ASPM: variants seen among roughly 807,000 people sequenced by gnomAD.
ASPM encodes assembly factor for spindle microtubules.
A neutral mutation model predicts 366.4 loss-of-function variants in ASPM; 256 were observed. The observed-to-expected ratio is 0.70, with a 90% CI of 0.63 to 0.77. The LOEUF (loss-of-function observed/expected upper bound fraction) is 0.77. ASPM is among the 30% of genes least tolerant of loss of function. The pLI is 0.00. For synonymous variants in ASPM, 1,414 were observed against 1,342.9 expected (o/e 1.05, Z -1.16); for missense variants, 4,146 against 4,090.4 (o/e 1.01, Z -0.37).
rs1484742454 is a variant in ASPM at position 197,103,119 on chromosome 1, G to T, written c.6132C>A (p.Asn2044Lys). The T allele has an allele frequency of 3.1e-6, 5 of 1,612,518 alleles. No individual in the cohort carries two copies. The highest frequency in any genetic ancestry group is 2.7e-5 in the African/African-American group (2 of 74,756). The change falls in exon 18 of 28, where the codon AAC (asparagine) becomes AAA (lysine). Residue 2044 changes from asparagine to lysine, a missense_variant. Transcript: ENST00000367409. The stretch of plus-strand genomic sequence containing the variant: ...TAGACTGTATAGTGACTGCTGCTTT[G>T]TTGCAATCCTTTATTCTTTTTCTCA... ...MKVRKRIKDCNKAAVTIQSKY... is the reference protein window; with the variant it reads ...MKVRKRIKDCKKAAVTIQSKY...
rs373180437 is a variant in ASPM at position 197,122,506 on chromosome 1, A to T, written c.3480T>A (p.Ala1160=). ...HYHPCYVPFD[A]ICQRTTQTVE... is the part of the protein sequence containing the mutation. ...CAGTTTGAGTAGTACGCTGACATAT[A>T]GCGTCAAATGGCACATAGCAAGGAT... The change falls in exon 14 of 28, where the codon GCT becomes GCA. Residue 1160 remains alanine, a synonymous_variant. Transcript: ENST00000367409. The T allele has an allele frequency of 5.3e-5, 85 of 1,613,546 alleles. No individual in the cohort carries two copies. Among genetic ancestry groups the T allele is most frequent in the Non-Finnish European group, 6.6e-5 (78 of 1,179,748 alleles).
At chr1:197,120,931 A>G (rs1657889379) in intron 16 of ASPM, among the ~76,000 whole-genome samples, 1 of 152,170 alleles carries the variant, frequency 6.6e-6, no homozygotes. Context: ...AATTATTTCA[A>G]TTAGTCTTAT....
At chr1:197,100,154 T>C (rs559602305) in intron 18 of ASPM, among the ~76,000 whole-genome samples, 1 of 151,840 alleles carries the variant, frequency 6.6e-6, no homozygotes, top group African/African-American at 2.4e-5. Context: ...AGGACTCCTA[T>C]TTTCTCAAAA....
chr1:197,140,675 T>C (rs1023167987), intron 3 of ASPM, among the ~76,000 whole-genome samples: 1 of 152,186 alleles, frequency 6.6e-6, no homozygotes, highest in South Asian at 2.1e-4. Context: ...TGAAGAATTT[T>C]AATCAAGGAA....
rs1658154936 is a variant in ASPM at position 197,128,446 on chromosome 1, T to G, written c.2936+44A>C. ...AAAAAAAGTGTTTTCCAGAAAATGT[T>G]AGTCTATTCCATTAAGCAAAATAAT... On this transcript the variant is annotated intron_variant, in intron 10 of 27. Coordinates refer to ENST00000367409, the MANE Select transcript of ASPM (RefSeq NM_018136.5). 12 of 1,549,128 alleles carry G rather than the reference T, an allele frequency of 7.7e-6. No homozygotes were observed. In the African/African-American group the frequency reaches 1.1e-4, roughly 14 times the overall value.
intron 4 of ASPM, chr1:197,139,403 C>T (rs532266842): frequency 2.1e-5 from 12 of 559,770 alleles, no homozygotes; most frequent in African/African-American, 1.3e-4. Flanking sequence ...CCGACCACCC[C>T]GGCCAACACG....
In ASPM at chr1:197,146,252, C is replaced by G. The variant is rs922100903; in HGVS notation, c.186G>C (p.Thr62=). The change falls in exon 1 of 28, where the codon ACG becomes ACC. Residue 62 remains threonine (T), a synonymous_variant. Transcript: ENST00000367409. ...TAGGGTTGTCTAGGGCCAGAGACAGCGTCCGTGAGGCTCCCAGGAGAACGT... is the reference window on the plus strand; with the variant it reads ...TAGGGTTGTCTAGGGCCAGAGACAGGGTCCGTGAGGCTCCCAGGAGAACGT... The part of the protein sequence containing the change: ...FGDVLLGASR[T]LSLALDNPNE... The G allele has an allele frequency of 3.1e-6, 5 of 1,614,040 alleles. No individual in the cohort carries two copies. Among genetic ancestry groups the G allele is most frequent in the Middle Eastern group, 1.6e-4 (1 of 6,084 alleles).
In ASPM at chr1:197,101,656, T is replaced by TG; in HGVS notation, c.7594dup (p.His2532ProfsTer11). On this transcript the variant is annotated frameshift_variant, in exon 18 of 28. Coordinates refer to ENST00000367409, the MANE Select transcript of ASPM (RefSeq NM_018136.5). LOFTEE classifies it high-confidence loss of function. ...TGCAGCCTGAATAACCACAGCAGAA[T>TG]GCCATTGTCTGATATAATTTTCTCT... 6.2e-7 allele frequency: 1 copy of TG among 1,612,066 alleles called. No individual in the cohort carries two copies.
Position 197,104,468 on chromosome 1 carries a change from T to G in ASPM, c.4783A>C (p.Lys1595Gln), listed in dbSNP as rs763387189. The change falls in exon 18 of 28, where the codon AAA (lysine) becomes CAA (glutamine). Residue 1595 changes from lysine (K) to glutamine (Q), a missense_variant. By Grantham distance (53) the Lys-to-Gln change is moderately conservative. This residue lies in a region of ASPM where 3,624 missense variants were observed against 3,591.7 expected (regional missense o/e 1.01). Transcript: ENST00000367409. ...TTATATTTCTGTCGTTGTTGATGTT[T>G]TCTTACATGTGCCTGAAATTTGATA... Reference protein sequence around the residue: ...TIIKFQAHVRKHQQRQKYKKM... With the variant: ...TIIKFQAHVRQHQQRQKYKKM... The G allele has an allele frequency of 1.2e-6, 2 of 1,612,880 alleles. No individual in the cohort carries two copies. Among genetic ancestry groups the G allele is most frequent in the Non-Finnish European group, 1.7e-6 (2 of 1,179,394 alleles).
In ASPM at chr1:197,146,472, C is replaced by A. The variant is rs576215916; in HGVS notation, c.-35G>T. 7.5e-6 allele frequency: 12 copies of A among 1,598,602 alleles called. No homozygotes were observed. The East Asian group carries it at 2.5e-4, about 33-fold the overall frequency. On this transcript the variant is annotated 5_prime_UTR_variant, in exon 1 of 28. Coordinates refer to ENST00000367409, the MANE Select transcript of ASPM (RefSeq NM_018136.5). Reference sequence around the variant, plus strand: ...GAGACCCCTCCTGGATCTCCTTGCCCCGCTCCCACGAGGCGGCTCCGGAGC... The same window carrying A: ...GAGACCCCTCCTGGATCTCCTTGCCACGCTCCCACGAGGCGGCTCCGGAGC...
In ASPM at chr1:197,094,131, C is replaced by T. The variant is rs1421618284; in HGVS notation, c.9037G>A (p.Ala3013Thr). 6.2e-7 allele frequency: 1 copy of T among 1,607,808 alleles called. No individual in the cohort carries two copies. Among genetic ancestry groups the T allele is most frequent in the Admixed American group, 1.7e-5 (1 of 59,520 alleles). The change falls in exon 20 of 28, where the codon GCT becomes ACT. Residue 3013 changes from alanine to threonine, a missense_variant. Transcript: ENST00000367409. ...SAIIIQRKWR[A>T]ILPAKIAHEH... ...TGAGCTATCTTTGCAGGAAGTATAG[C>T]TCTCCATTTTCTCTGAATGATAATT...
Position 197,090,962 on chromosome 1 carries a change from T to A in ASPM, c.9524A>T (p.Gln3175Leu). 6.2e-7 allele frequency: 1 copy of A among 1,613,064 alleles called. No individual in the cohort carries two copies. The highest frequency in any genetic ancestry group is 8.5e-7 in the Non-Finnish European group (1 of 1,179,310). The change falls in exon 23 of 28, where the codon CAA (glutamine) becomes CTA (leucine). Residue 3175 changes from glutamine to leucine, a missense_variant. Coordinates refer to ENST00000367409, the MANE Select transcript of ASPM (RefSeq NM_018136.5). ...CCTATTTCGCTGGCTCAGACATTCT[T>A]GACCTTCATGCTCAATCTTTTTGAT... The part of the protein sequence containing the change: ...HSIKKIEHEG[Q>L]ECLSQRNRAA...
At chr1:197,138,994 C>T in intron 4 of ASPM, 1 of 722,602 alleles carries the variant, frequency 1.4e-6, no homozygotes, top group Middle Eastern at 3.9e-4. Context: ...TTCTCTCTGA[C>T]ATTGATCATA....
intron 10 of ASPM, 54 bp from the exon 11 acceptor site, chr1:197,125,245 A>G (rs1033615373): frequency 6.3e-7 from 1 of 1,585,034 alleles, no homozygotes; most frequent in Non-Finnish European, 8.7e-7. Flanking sequence ...ATATGAAAAA[A>G]CCCTTCACTG....
At chr1:197,138,689 A>G (rs561556034) in intron 4 of ASPM, 108 of 625,372 alleles carry the variant, frequency 1.7e-4, no homozygotes, top group Middle Eastern at 4.7e-4. Flanking sequence ...TACAAATACA[A>G]TCACAGGAAG....
chr1:197,098,667 T>C lies in ASPM; in HGVS notation c.8820+1764A>G, dbSNP rs112693617. On this transcript the variant is annotated intron_variant, in intron 18 of 27. Transcript: ENST00000367409. ...CTTGATACCATTAATCTCTTACCTTTCTTCTTTCCCTCTTAACACCTTGTT... is the reference window on the plus strand; with the variant it reads ...CTTGATACCATTAATCTCTTACCTTCCTTCTTTCCCTCTTAACACCTTGTT... Among the ~76,000 whole-genome samples, 637 of 151,780 alleles carry C rather than the reference T, an allele frequency of 4.2e-3. 5 individuals carry two copies. The highest frequency in any genetic ancestry group is 0.015 in the African/African-American group (621 of 41,460).
rs1205053658 is a variant in ASPM at position 197,086,813 on chromosome 1, T to C, written c.10321A>G (p.Ile3441Val). The stretch of plus-strand genomic sequence containing the variant: ...TATTTAATTGCTTACCTTGAAACTA[T>C]TCTGGTCCTTACAGGTGTTTCTGGG... The part of the protein sequence containing the change: ...FIPETPVRTR[I>V]VSRLKPDWVL... Residue 3441 changes from isoleucine to valine, a missense_variant, in exon 27 of 28, where the codon ATA becomes GTA. Coordinates refer to ENST00000367409, the MANE Select transcript of ASPM (RefSeq NM_018136.5). 1.2e-6 allele frequency: 2 copies of C among 1,608,032 alleles called. No individual in the cohort carries two copies. The highest frequency in any genetic ancestry group is 1.7e-6 in the Non-Finnish European group (2 of 1,174,872).
Position 197,103,547 on chromosome 1 carries a change from A to G in ASPM, c.5704T>C (p.Leu1902=), listed in dbSNP as rs373106560. Residue 1902 remains leucine (L), a synonymous_variant, in exon 18 of 28, where the codon TTG becomes CTG. Transcript: ENST00000367409. ...KQIRREHQAA[L]KIQSAFRMAK... is the part of the protein sequence containing the mutation. ...ATTCTAAAAGCAGACTGAATCTTCA[A>G]GGCAGCTTGATGTTCCCTTCTAATC... The G allele has an allele frequency of 8.1e-6, 13 of 1,613,142 alleles. No homozygotes were observed. The highest frequency in any genetic ancestry group is 1.7e-5 in the Admixed American group (1 of 59,806).
At chr1:197,132,407 G>T in intron 6 of ASPM, 55 bp from the exon 7 acceptor site, 2 of 1,469,554 alleles carry the variant, frequency 1.4e-6, no homozygotes, top group Non-Finnish European at 9.5e-7. Flanking sequence ...ATAGAGACAA[G>T]AAATAAAACT....
Sources: gnomAD v4.1 joint callset for allele counts (sites outside exome capture counted in the v4.1 genomes callset) on GRCh38, gnomAD v4.1.1 for gene constraint, gnomAD v4.1.1 regional missense constraint, MANE v1.5 for transcripts, NCBI Gene and HGNC (gene_info 2026-07-23, HGNC 2026-07-21) for gene names.